The following GADL1 variants were observed in gnomAD, a reference collection of about 807,000 sequenced individuals.
GADL1 encodes the protein GAD like acidic amino acid decarboxylase 1, also known as acidic amino acid decarboxylase GADL1.
Under a neutral mutation model 69.5 loss-of-function variants are expected in GADL1, and 71 were observed. The observed-to-expected ratio is 1.02, with a 90% CI of 0.84 to 1.25. The LOEUF (loss-of-function observed/expected upper bound fraction) is 1.25, where lower values mean the gene tolerates loss of function less well. Ranked by LOEUF, GADL1 falls within the 50% of genes most tolerant of loss-of-function variation. The probability of loss-of-function intolerance (pLI) is 0.00; values close to 1 mark genes in which losing one functional copy is unlikely to be tolerated. For missense variants in GADL1, 737 were observed against 631.8 expected (o/e 1.17, Z -1.79); for synonymous variants, 254 against 214.4 (o/e 1.18, Z -1.62).
At chr3:30,827,347 G>GGT (rs1559353883) in intron 11 of GADL1, among the ~76,000 whole-genome samples, 2 of 151,714 alleles carry the variant, frequency 1.3e-5, no homozygotes, top group African/African-American at 2.4e-5. Context: ...TTTATGACTA[G>GGT]GTGGTAACTG....
chr3:30,747,778 A>G (rs956431073), intron 14 of GADL1, among the ~76,000 whole-genome samples: 4 of 152,094 alleles, frequency 2.6e-5, no homozygotes, highest in Non-Finnish European at 5.9e-5. Context: ...TCAGTCTACT[A>G]CCCATCTGTC....
chr3:30,803,564 G>A, intron 11 of GADL1, among the ~76,000 whole-genome samples: 1 of 152,316 alleles, frequency 6.6e-6, no homozygotes, highest in Non-Finnish European at 1.5e-5. Context: ...AAGACAAATT[G>A]TATCATCATA....
intron 8 of GADL1, among the ~76,000 whole-genome samples, chr3:30,840,370 GC>G (rs1266348591): frequency 2.0e-5 from 3 of 152,072 alleles, no homozygotes; most frequent in African/African-American, 7.2e-5. Flanking sequence ...AAATCCATTT[GC>G]CATCTTGGGA....
At chr3:30,846,917 A>C (rs903422) in intron 6 of GADL1, among the ~76,000 whole-genome samples, 81,927 of 152,038 alleles carry the variant, frequency 0.54, 25,054 homozygotes, top group African/African-American at 0.83. Flanking sequence ...ACCCTACATA[A>C]CTCACTTGCC....
chr3:30,805,000 A>G (rs1171227645), intron 11 of GADL1, among the ~76,000 whole-genome samples: 2 of 152,354 alleles, frequency 1.3e-5, no homozygotes, highest in South Asian at 2.1e-4. Flanking sequence ...TGGATTATAC[A>G]GTAAAGAGAA....
chr3:30,797,665 T>G (rs1697068604), intron 12 of GADL1: 1 of 110,366 alleles, frequency 9.1e-6, no homozygotes, highest in Non-Finnish European at 2.1e-5. Flanking sequence ...TTTTGTTTTG[T>G]TTTTGTTTTT....
intron 14 of GADL1, among the ~76,000 whole-genome samples, chr3:30,749,920 G>A (rs529954503): frequency 9.9e-4 from 150 of 152,264 alleles, no homozygotes; most frequent in African/African-American, 3.5e-3. Flanking sequence ...TTTAAATCAG[G>A]GTATTCTACA....
intron 11 of GADL1, among the ~76,000 whole-genome samples, chr3:30,813,811 T>C (rs1328025437): frequency 6.6e-6 from 1 of 152,242 alleles, no homozygotes; most frequent in Non-Finnish European, 1.5e-5. Flanking sequence ...TTTAAAACTA[T>C]CCTTAAATAG....
At chr3:30,859,585 A>G (rs1698284509) in intron 2 of GADL1, among the ~76,000 whole-genome samples, 2 of 151,990 alleles carry the variant, frequency 1.3e-5, no homozygotes, top group Admixed American at 1.3e-4. Flanking sequence ...CAGTTCCATC[A>G]TATCGTAGTA....
At chr3:30,759,236 TCA>T (rs1491447646) in intron 14 of GADL1, among the ~76,000 whole-genome samples, 2 of 147,562 alleles carry the variant, frequency 1.4e-5, no homozygotes, top group Admixed American at 6.7e-5. Flanking sequence ...TCTTTAGCTC[TCA>T]CAATGATTAT....
chr3:30,819,082 A>C (rs368320479), intron 11 of GADL1, among the ~76,000 whole-genome samples: 1 of 151,906 alleles, frequency 6.6e-6, no homozygotes, highest in Admixed American at 6.6e-5. Flanking sequence ...GAACATATTG[A>C]CGTGGGAGAT....
At position 30,781,352 on chromosome 3, in the gene GADL1, T is replaced by A. The variant is rs148763545; in HGVS notation, c.1303-3084A>T. ...TGGTCACTAAGGTAGCAGCTCACGT[T>A]CTCTAAAACTGAGTTATGTCAAAAG... On this transcript the variant is annotated intron_variant, in intron 13 of 14. Coordinates refer to ENST00000282538, the MANE Select transcript of GADL1 (RefSeq NM_207359.3). Among the ~76,000 whole-genome samples, 775 of 152,318 alleles carry A rather than the reference T, an allele frequency of 5.1e-3. 1 individual carries two copies. The highest frequency in any genetic ancestry group is 7.3e-3 in the Non-Finnish European group (498 of 68,026).
chr3:30,794,122 C>G (rs1233556304), intron 12 of GADL1, among the ~76,000 whole-genome samples: 1 of 152,210 alleles, frequency 6.6e-6, no homozygotes, highest in Admixed American at 6.5e-5. Context: ...CACAAAAGCA[C>G]CATTGTGTAA....
In GADL1 at chr3:30,740,897, AAC is replaced by A. The variant is rs1444543248; in HGVS notation, c.1393-12484_1393-12483del. On this transcript the variant is annotated intron_variant, in intron 14 of 14. Coordinates refer to ENST00000282538, the MANE Select transcript of GADL1 (RefSeq NM_207359.3). ...AACAATTTTTATATTTATACAAACAAACATATATATATCTAATATATAAAAAA... is the reference window on the plus strand; with the variant it reads ...AACAATTTTTATATTTATACAAACAAATATATATATCTAATATATAAAAAA... Among the ~76,000 whole-genome samples, 278 of 141,944 alleles carry A rather than the reference AAC, an allele frequency of 2.0e-3. 5 individuals carry two copies. The highest frequency in any genetic ancestry group is 7.0e-3 in the African/African-American group (257 of 36,936). The allele number at this position is 141,944 out of a possible 152,430, so 93.1% of individuals were successfully genotyped here.
Position 30,758,972 on chromosome 3 carries a change from C to CA in GADL1, c.1392+19206dup, listed in dbSNP as rs574985672. Among the ~76,000 whole-genome samples the CA allele has an allele frequency of 6.1e-4, 93 of 152,294 alleles. 1 individual carries two copies. The highest frequency in any genetic ancestry group is 2.1e-3 in the African/African-American group (89 of 41,560). On this transcript the variant is annotated intron_variant, in intron 14 of 14. Coordinates refer to ENST00000282538, the MANE Select transcript of GADL1 (RefSeq NM_207359.3). ...CTTACACATTTCCAAAACTCTCTTG[C>CA]AGTTAGTCTGATGTAATTTAAAGTG... is the stretch of plus-strand genomic sequence containing the variant.
chr3:30,771,898 C>T (rs939740557), intron 14 of GADL1, among the ~76,000 whole-genome samples: 2 of 95,156 alleles, frequency 2.1e-5, no homozygotes, highest in African/African-American at 2.5e-4. Context: ...TCTAGCCGCT[C>T]CTAAGTCCAG....
At chr3:30,743,165 T>C (rs1695651700) in intron 14 of GADL1, among the ~76,000 whole-genome samples, 1 of 152,148 alleles carries the variant, frequency 6.6e-6, no homozygotes, top group African/African-American at 2.4e-5. Flanking sequence ...TGAGAGAGTA[T>C]CTTTAATATC....
intron 11 of GADL1, among the ~76,000 whole-genome samples, chr3:30,820,642 G>A (rs1212821713): frequency 6.6e-6 from 1 of 152,056 alleles, no homozygotes; most frequent in Non-Finnish European, 1.5e-5. Flanking sequence ...GCCATTGATG[G>A]GGTTGTTTTT....
At chr3:30,756,389 T>C (rs1348877199) in intron 14 of GADL1, among the ~76,000 whole-genome samples, 3 of 151,894 alleles carry the variant, frequency 2.0e-5, no homozygotes, top group South Asian at 2.1e-4. Flanking sequence ...TAAAACACTC[T>C]ATAATGTATA....
Sources: allele counts gnomAD v4.1 joint callset (sites outside exome capture counted in the v4.1 genomes callset), GRCh38; gene constraint gnomAD v4.1.1; transcripts MANE v1.5; gene names NCBI Gene and HGNC (gene_info 2026-07-23, HGNC 2026-07-21).